TJP1: variants seen among roughly 807,000 people sequenced by gnomAD.
TJP1 encodes tight junction protein 1, also known as tight junction protein ZO-1.
Under a neutral mutation model 194.2 loss-of-function variants are expected in TJP1, and 43 were observed. The ratio of observed to expected loss-of-function variants is 0.22; its 90% CI spans 0.17 to 0.29. The LOEUF is 0.29. Among genes scored for constraint, TJP1 ranks in the 10% least tolerant of loss-of-function variants. The pLI is 1.00. For missense variants in TJP1, 1,971 were observed against 2,185.7 expected (o/e 0.90, Z 1.96); for synonymous variants, 801 against 779.0 (o/e 1.03, Z -0.47).
At chr15:29,966,290 G>A (rs1191601628) in intron 1 of TJP1, among the ~76,000 whole-genome samples, 5 of 152,134 alleles carry the variant, frequency 3.3e-5, no homozygotes, top group Middle Eastern at 3.4e-3. Context: ...ATCACCTAAC[G>A]TCAGGAGTTT....
At chr15:29,815,089 C>G (rs1567084614) in intron 1 of TJP1, among the ~76,000 whole-genome samples, 1 of 152,112 alleles carries the variant, frequency 6.6e-6, no homozygotes, top group Non-Finnish European at 1.5e-5. Flanking sequence ...CCCACGTATT[C>G]CCCACATACT....
chr15:29,857,095 G>A (rs192869105), intron 2 of TJP1, among the ~76,000 whole-genome samples: 61 of 152,130 alleles, frequency 4.0e-4, no homozygotes, highest in African/African-American at 1.3e-3. Flanking sequence ...ATATCTGAAG[G>A]GGGTCCTGGG....
At chr15:29,919,979 G>C (rs1301323574) in intron 2 of TJP1, among the ~76,000 whole-genome samples, 1 of 152,210 alleles carries the variant, frequency 6.6e-6, no homozygotes, top group East Asian at 1.9e-4. Flanking sequence ...GAGTGCTAAG[G>C]TGGTAAGTCC....
intron 2 of TJP1, among the ~76,000 whole-genome samples, chr15:29,881,746 T>C (rs2052938317): frequency 6.6e-6 from 1 of 152,156 alleles, no homozygotes; most frequent in South Asian, 2.1e-4. Flanking sequence ...TAATTCCATA[T>C]ACTCACCGAC....
chr15:29,753,101 G>A (rs1442660506), intron 8 of TJP1, among the ~76,000 whole-genome samples: 1 of 152,078 alleles, frequency 6.6e-6, no homozygotes, highest in Non-Finnish European at 1.5e-5. Flanking sequence ...AACCACTAAC[G>A]AAAATTTACT....
At chr15:29,719,663 G>T in intron 20 of TJP1, 114 bp downstream of exon 20, 1 of 1,318,012 alleles carries the variant, frequency 7.6e-7, no homozygotes, top group Non-Finnish European at 1.0e-6. Context: ...AAGCATTACA[G>T]TGTATAAGCC....
Position 29,822,175 on chromosome 15 carries a change from G to C in TJP1, c.-147C>G, listed in dbSNP as rs752121070. 2.5e-4 allele frequency: 296 copies of C among 1,180,084 alleles called. No individual in the cohort carries two copies. Among genetic ancestry groups the C allele is most frequent in the Admixed American group, 8.2e-4 (18 of 21,942 alleles). The allele number at this position is 1,180,084 out of a possible 1,614,324, so 73.1% of individuals were successfully genotyped here. The stretch of plus-strand genomic sequence containing the variant: ...GGGCGGCCGGAAGGGCCCGGCCCAG[G>C]GGGAGGGAATTCAACTCGGACAAAA... On this transcript the variant is annotated 5_prime_UTR_variant, in exon 1 of 28. Transcript: ENST00000614355.
chr15:29,727,467 C>T (rs1383314900), intron 16 of TJP1, among the ~76,000 whole-genome samples: 1 of 152,184 alleles, frequency 6.6e-6, no homozygotes, highest in African/African-American at 2.4e-5. Flanking sequence ...CTCAGGAGCA[C>T]ATATTAAAAA....
intron 2 of TJP1, among the ~76,000 whole-genome samples, chr15:29,952,226 G>A (rs1236468949): frequency 2.6e-5 from 4 of 152,152 alleles, no homozygotes; most frequent in Admixed American, 2.0e-4. Context: ...AGGTTTTCTA[G>A]GCAAAACACA....
intron 2 of TJP1, among the ~76,000 whole-genome samples, chr15:29,939,086 A>G (rs2054979227): frequency 6.6e-6 from 1 of 152,160 alleles, no homozygotes; most frequent in Non-Finnish European, 1.5e-5. Flanking sequence ...CACACAACTA[A>G]TAACTGCTGG....
chr15:29,741,066 A>ATT (rs112684499), intron 10 of TJP1: 319 of 221,076 alleles, frequency 1.4e-3, no homozygotes, highest in Non-Finnish European at 1.7e-3. Flanking sequence ...TCTGAATAGA[A>ATT]TTTTTTTTTT....
chr15:29,888,749 C>G (rs1042601147), intron 2 of TJP1, among the ~76,000 whole-genome samples: 1 of 152,088 alleles, frequency 6.6e-6, no homozygotes, highest in African/African-American at 2.4e-5. Flanking sequence ...GCTCAGTGTC[C>G]CCAGAGTTCC....
chr15:29,715,759 G>C (rs1049999566), intron 23 of TJP1, among the ~76,000 whole-genome samples: 1 of 152,176 alleles, frequency 6.6e-6, no homozygotes, highest in African/African-American at 2.4e-5. Flanking sequence ...GGCCTTCCCT[G>C]ATCTCACACT....
At chr15:29,887,428 T>C (rs2053156399) in intron 2 of TJP1, among the ~76,000 whole-genome samples, 1 of 151,852 alleles carries the variant, frequency 6.6e-6, no homozygotes, top group African/African-American at 2.4e-5. Flanking sequence ...GCCTCCCGAA[T>C]AGCTGGGATT....
At chr15:29,812,955 A>G (rs554986935) in intron 1 of TJP1, among the ~76,000 whole-genome samples, 89 of 152,274 alleles carry the variant, frequency 5.8e-4, no homozygotes, top group African/African-American at 2.0e-3. Flanking sequence ...CTTCTGTATT[A>G]ACACTCCAGT....
chr15:29,898,749 G>A (rs554701948), intron 2 of TJP1, among the ~76,000 whole-genome samples: 3 of 152,194 alleles, frequency 2.0e-5, no homozygotes, highest in African/African-American at 7.2e-5. Flanking sequence ...TACCTGTTAG[G>A]TATCTGCAAA....
chr15:29,892,935 A>G (rs2053360184), intron 2 of TJP1, among the ~76,000 whole-genome samples: 1 of 152,248 alleles, frequency 6.6e-6, no homozygotes, highest in South Asian at 2.1e-4. Context: ...TATCTAAAAA[A>G]TACATTTTAT....
At chr15:29,951,178 T>C (rs1020243055) in intron 2 of TJP1, among the ~76,000 whole-genome samples, 11 of 151,866 alleles carry the variant, frequency 7.2e-5, no homozygotes, top group African/African-American at 1.5e-4. Flanking sequence ...TTCTTTTCCT[T>C]TTTTTTTGAG....
intron 2 of TJP1, among the ~76,000 whole-genome samples, chr15:29,867,793 T>C (rs7180400): frequency 0.43 from 65,704 of 151,834 alleles, 14,771 homozygotes; most frequent in East Asian, 0.52. Flanking sequence ...CAGTGGTTCA[T>C]GCCTGTAATT....
Sources: allele counts gnomAD v4.1 joint callset (sites outside exome capture counted in the v4.1 genomes callset), GRCh38; gene constraint gnomAD v4.1.1; transcripts MANE v1.5; gene names NCBI Gene and HGNC (gene_info 2026-07-23, HGNC 2026-07-21).